The following MMP27 variants were observed in gnomAD, a reference collection of about 807,000 sequenced individuals.
MMP27 encodes the protein matrix metalloproteinase-27.
Under a neutral mutation model 48.1 loss-of-function variants are expected in MMP27, and 51 were observed. The observed-to-expected ratio is 1.06, with a 90% CI of 0.85 to 1.34. The LOEUF (loss-of-function observed/expected upper bound fraction) is 1.34, where lower values mean the gene tolerates loss of function less well. Ranked by LOEUF, MMP27 falls within the 40% of genes most tolerant of loss-of-function variation. The pLI is 0.00. For synonymous variants in MMP27, 229 were observed against 208.9 expected, an observed-to-expected ratio of 1.10 and a Z score of -0.83; for missense variants, 698 against 619.3, an observed-to-expected ratio of 1.13 and a Z score of -1.35.
rs779018510 is a variant in MMP27 at position 102,693,009 on chromosome 11, C to T, written c.1226G>A (p.Gly409Glu). The change falls in exon 9 of 10, where the codon GGG (glycine) becomes GAG (glutamate). Residue 409 changes from glycine to glutamate, a missense_variant. By Grantham distance (98) the Gly-to-Glu change is moderately conservative. Coordinates refer to ENST00000260229, the MANE Select transcript of MMP27 (RefSeq NM_022122.3). ...FDEMTQTMDK[G>E]FPQRVVKHFP... ...GTGTTTTACCACTCTCTGCGGGAAC[C>T]CTTTGTCCATGGTTTGGGTCATTTC... The T allele has an allele frequency of 3.1e-6, 5 of 1,613,644 alleles. No homozygotes were observed. Among genetic ancestry groups the T allele is most frequent in the Non-Finnish European group, 4.2e-6 (5 of 1,179,746 alleles).
chr11:102,693,950 C>T lies in MMP27; in HGVS notation c.1149G>A (p.Lys383=). The part of the protein sequence containing the change: ...VKKIDAAVCD[K]TTRKTYFFVG... ...CAAAGAAGTAGGTTTTTCTTGTGGT[C>T]TTATCACAGACGGCTGCATCTATTT... The change falls in exon 8 of 10, where the codon AAG becomes AAA. Residue 383 remains lysine, a synonymous_variant. Transcript: ENST00000260229. The T allele has an allele frequency of 1.2e-6, 2 of 1,610,880 alleles. No homozygotes were observed. Among genetic ancestry groups the T allele is most frequent in the Non-Finnish European group, 1.7e-6 (2 of 1,178,522 alleles).
intron 9 of MMP27, among the ~76,000 whole-genome samples, chr11:102,692,528 T>C (rs1288926666): frequency 2.0e-5 from 3 of 152,234 alleles, no homozygotes; most frequent in Non-Finnish European, 4.4e-5. Flanking sequence ...TGAGGTTCTT[T>C]TAAAACTGCA....
chr11:102,693,580 C>T (rs751242066), intron 8 of MMP27, among the ~76,000 whole-genome samples: 1 of 151,862 alleles, frequency 6.6e-6, no homozygotes, highest in African/African-American at 2.4e-5. Context: ...CCCAGGAGTT[C>T]GAGACCAGAC....
At chr11:102,692,088 A>G (rs1284272255) in intron 9 of MMP27, 78 bp from the exon 10 acceptor site, 2 of 1,317,704 alleles carry the variant, frequency 1.5e-6, no homozygotes, top group Admixed American at 2.9e-5. Flanking sequence ...ATAAACATGG[A>G]AAAAAATAAC....
intron 8 of MMP27, among the ~76,000 whole-genome samples, chr11:102,693,537 C>T (rs988925806): frequency 6.6e-6 from 1 of 152,088 alleles, no homozygotes; most frequent in Non-Finnish European, 1.5e-5. Context: ...AATCCCAGCA[C>T]TTTGAGAGGC....
At chr11:102,692,084 A>C in intron 9 of MMP27, 74 bp from the exon 10 acceptor site, 2 of 1,327,926 alleles carry the variant, frequency 1.5e-6, no homozygotes, top group Non-Finnish European at 2.0e-6. Context: ...TTTTATAAAC[A>C]TGGAAAAAAA....
At chr11:102,704,137 T>A (rs920255352) in intron 2 of MMP27, among the ~76,000 whole-genome samples, 7 of 150,488 alleles carry the variant, frequency 4.7e-5, no homozygotes, top group African/African-American at 1.7e-4. Flanking sequence ...CACACACACA[T>A]GTCTCTGACA....
Position 102,691,807 on chromosome 11 carries a change from C to G in MMP27, c.1501G>C (p.Gly501Arg). The G allele has an allele frequency of 6.2e-7, 1 of 1,605,082 alleles. No homozygotes were observed. Among genetic ancestry groups the G allele is most frequent in the Non-Finnish European group, 8.5e-7 (1 of 1,174,770 alleles). Residue 501 changes from glycine (G) to arginine (R), a missense_variant, in exon 10 of 10, where the codon GGT (glycine) becomes CGT (arginine). Gly to Arg is a moderately radical substitution (Grantham distance 125). Coordinates refer to ENST00000260229, the MANE Select transcript of MMP27 (RefSeq NM_022122.3). ...GTGTTTTTCAGCAAATGAACAATAC[C>G]AAAAATAAACAAGCTTAAACTCTTA... The part of the protein sequence containing the change: ...YHKSLSLFIF[G>R]IVHLLKNTSI...
At chr11:102,703,379 C>A (rs183122504) in intron 2 of MMP27, among the ~76,000 whole-genome samples, 56 of 152,262 alleles carry the variant, frequency 3.7e-4, no homozygotes, top group Non-Finnish European at 6.0e-4. Flanking sequence ...AATGACTTCA[C>A]TAAGATCACA....
intron 4 of MMP27, among the ~76,000 whole-genome samples, chr11:102,699,423 G>A (rs576527993): frequency 5.3e-5 from 8 of 152,140 alleles, no homozygotes; most frequent in Admixed American, 1.3e-4. Context: ...AGCCGAGATC[G>A]CACCACTGCA....
intron 7 of MMP27, among the ~76,000 whole-genome samples, chr11:102,694,323 ACT>A (rs1262619297): frequency 6.6e-6 from 1 of 152,142 alleles, no homozygotes; most frequent in African/African-American, 2.4e-5. Context: ...TAATTGGCTA[ACT>A]CTGTCAAAAC....
At position 102,705,750 on chromosome 11, in the gene MMP27, C is replaced by T. The variant is rs1451258694; in HGVS notation, c.-36G>A. 1 of 1,445,862 alleles carries T rather than the reference C, an allele frequency of 6.9e-7. No individual in the cohort carries two copies. Among genetic ancestry groups the T allele is most frequent in the Non-Finnish European group, 9.5e-7 (1 of 1,049,704 alleles). The allele number at this position is 1,445,862 out of a possible 1,614,324, so 89.6% of individuals were successfully genotyped here. On this transcript the variant is annotated 5_prime_UTR_variant, in exon 1 of 10. Coordinates refer to ENST00000260229, the MANE Select transcript of MMP27 (RefSeq NM_022122.3). ...CTTCAGCTGAAGCCGGTTCTGTTAG[C>T]ACAGAATTTAGAAAATAATAGTGAG...
intron 4 of MMP27, among the ~76,000 whole-genome samples, chr11:102,701,187 T>C (rs1860933143): frequency 6.6e-6 from 1 of 152,078 alleles, no homozygotes; most frequent in Admixed American, 6.5e-5. Context: ...CAGAAGACAA[T>C]CCTTTTTGGA....
intron 2 of MMP27, 123 bp from the exon 3 acceptor site, chr11:102,703,241 T>TGC: frequency 1.2e-6 from 1 of 820,192 alleles, no homozygotes; most frequent in Non-Finnish European, 1.9e-6. Context: ...GTGGTGCAAT[T>TGC]ATCTTACAGT....
chr11:102,697,166 C>T (rs538427495), intron 4 of MMP27, among the ~76,000 whole-genome samples: 1 of 152,270 alleles, frequency 6.6e-6, no homozygotes, highest in South Asian at 2.1e-4. Flanking sequence ...CGTTACTGTA[C>T]TGAATATTAT....
intron 4 of MMP27, among the ~76,000 whole-genome samples, chr11:102,700,450 G>T (rs1434064781): frequency 6.6e-6 from 1 of 152,138 alleles, no homozygotes; most frequent in Non-Finnish European, 1.5e-5. Flanking sequence ...AGCACTTTCT[G>T]AGTGTTCACT....
Position 102,694,840 on chromosome 11 carries a change from A to G in MMP27, c.1033+127T>C, listed in dbSNP as rs1286555653. ...GTTATTTATATTCTTTACGACAGGA[A>G]CCTAAGATGAGAGCAAAAGCCCTGC... On this transcript the variant is annotated intron_variant, in intron 7 of 9. Transcript: ENST00000260229. The G allele has an allele frequency of 6.0e-6, 6 of 992,736 alleles. No individual in the cohort carries two copies. In the African/African-American group the frequency reaches 8.2e-5, roughly 14 times the overall value. 61.5% of individuals were successfully genotyped at this position (992,736 alleles called of 1,614,324 possible). A position where few individuals can be genotyped will look rare whatever the true frequency, so the allele number is the denominator to read the frequency against.
intron 6 of MMP27, among the ~76,000 whole-genome samples, chr11:102,695,361 G>T (rs1860805429): frequency 6.6e-6 from 1 of 152,174 alleles, no homozygotes; most frequent in Non-Finnish European, 1.5e-5. Flanking sequence ...AGTTCTGAGT[G>T]CTCAATGGTT....
intron 8 of MMP27, 61 bp from the exon 9 acceptor site, chr11:102,693,102 T>C (rs1343268629): frequency 3.4e-5 from 45 of 1,321,954 alleles, no homozygotes; most frequent in Non-Finnish European, 4.8e-5. Context: ...TTAATTTGTC[T>C]ACCGCACAAC....
Sources: gnomAD v4.1 joint callset for allele counts (sites outside exome capture counted in the v4.1 genomes callset) on GRCh38, gnomAD v4.1.1 for gene constraint, MANE v1.5 for transcripts, NCBI Gene and HGNC (gene_info 2026-07-23, HGNC 2026-07-21) for gene names.